ZBTB7C: variants seen among roughly 807,000 people sequenced by gnomAD.
ZBTB7C encodes zinc finger and BTB domain-containing protein 7C.
ZBTB7C carries 8 observed loss-of-function variants against 25.7 expected under a neutral mutation model. The ratio of observed to expected loss-of-function variants is 0.31; its 90% CI spans 0.18 to 0.56. The LOEUF (loss-of-function observed/expected upper bound fraction) is 0.56, where lower values mean the gene tolerates loss of function less well. Ranked by LOEUF, ZBTB7C falls within the 20% of genes least tolerant of loss-of-function variation. The pLI, the probability that ZBTB7C is intolerant of heterozygous loss-of-function variation, is 0.91. For synonymous variants in ZBTB7C, 394 were observed against 369.0 expected, an observed-to-expected ratio of 1.07 and a Z score of -0.78; for missense variants, 824 against 855.2, an observed-to-expected ratio of 0.96 and a Z score of 0.46.
intron 2 of ZBTB7C, among the ~76,000 whole-genome samples, chr18:48,296,767 G>A (rs2045404432): frequency 6.6e-6 from 1 of 151,726 alleles, no homozygotes; most frequent in African/African-American, 2.4e-5. Context: ...AGCAGGAGGT[G>A]AGCGGCGGGT....
chr18:48,051,538 G>A (rs922586847), intron 3 of ZBTB7C, among the ~76,000 whole-genome samples: 11 of 152,022 alleles, frequency 7.2e-5, no homozygotes, highest in Non-Finnish European at 1.5e-4. Flanking sequence ...CAGGCCAGGC[G>A]GAATTATGCC....
At chr18:48,080,015 C>G (rs371284197) in intron 3 of ZBTB7C, among the ~76,000 whole-genome samples, 14 of 152,366 alleles carry the variant, frequency 9.2e-5, no homozygotes, top group African/African-American at 3.4e-4. Flanking sequence ...CTCCTCAGCA[C>G]AGGGAGCAGA....
At chr18:48,272,722 C>T (rs1469832670) in intron 2 of ZBTB7C, among the ~76,000 whole-genome samples, 1 of 152,082 alleles carries the variant, frequency 6.6e-6, no homozygotes, top group Non-Finnish European at 1.5e-5. Flanking sequence ...TAGCAGCATT[C>T]TTGATAATAA....
At chr18:48,161,701 G>GCCCGA (rs1410358246) in intron 3 of ZBTB7C, among the ~76,000 whole-genome samples, 2 of 137,828 alleles carry the variant, frequency 1.5e-5, no homozygotes, top group Admixed American at 7.0e-5. Flanking sequence ...GCCCGGCCCG[G>GCCCGA]CCCGGCCCGG....
intron 2 of ZBTB7C, among the ~76,000 whole-genome samples, chr18:48,311,511 C>T (rs1289333774): frequency 6.7e-6 from 1 of 149,440 alleles, no homozygotes; most frequent in Non-Finnish European, 1.5e-5. Flanking sequence ...TTGCTACTGT[C>T]ATCTAATGGG....
intron 4 of ZBTB7C, among the ~76,000 whole-genome samples, chr18:48,031,770 T>C (rs912943802): frequency 2.6e-5 from 4 of 152,192 alleles, no homozygotes; most frequent in Admixed American, 2.0e-4. Context: ...GCCTCCACTA[T>C]GTAGGTGGGC....
At chr18:48,410,673 TCCTA>T (rs1424151782), upstream of ZBTB7C, 1 of 152,592 alleles carries the variant, frequency 6.6e-6, no homozygotes, top group Non-Finnish European at 1.5e-5. Flanking sequence ...TGGCTTTGCC[TCCTA>T]CCTTTTTGCA....
intron 2 of ZBTB7C, among the ~76,000 whole-genome samples, chr18:48,315,787 G>A (rs2045933653): frequency 6.6e-6 from 1 of 152,186 alleles, no homozygotes; most frequent in Non-Finnish European, 1.5e-5. Context: ...CAATGGACCT[G>A]TCCAGCTCTG....
chr18:48,081,020 C>T (rs1316152386), intron 3 of ZBTB7C, among the ~76,000 whole-genome samples: 1 of 152,244 alleles, frequency 6.6e-6, no homozygotes, highest in African/African-American at 2.4e-5. Context: ...CACTGGCCAG[C>T]CATACAGCTC....
At chr18:48,406,226 G>A (rs964730198) in intron 1 of ZBTB7C, among the ~76,000 whole-genome samples, 2 of 152,034 alleles carry the variant, frequency 1.3e-5, no homozygotes, top group East Asian at 1.9e-4. Context: ...GCCCACCCTC[G>A]GTGGGGGCAG....
intron 2 of ZBTB7C, among the ~76,000 whole-genome samples, chr18:48,187,697 TG>T (rs1205754798): frequency 6.6e-6 from 1 of 151,740 alleles, no homozygotes; most frequent in East Asian, 1.9e-4. Context: ...GGCCGGTGCC[TG>T]TAGTACCAGC....
chr18:48,225,893 C>T (rs1243534715), intron 2 of ZBTB7C, among the ~76,000 whole-genome samples: 3 of 152,176 alleles, frequency 2.0e-5, no homozygotes, highest in Admixed American at 6.5e-5. Context: ...CAGGCAGACA[C>T]CACCACGCCC....
chr18:48,124,717 G>A (rs1268112719), intron 3 of ZBTB7C, among the ~76,000 whole-genome samples: 1 of 152,212 alleles, frequency 6.6e-6, no homozygotes, highest in Non-Finnish European at 1.5e-5. Flanking sequence ...TCTGTGAAGT[G>A]CTATCTGAGC....
chr18:48,138,652 T>G (rs1598953121), intron 3 of ZBTB7C, among the ~76,000 whole-genome samples: 1 of 152,024 alleles, frequency 6.6e-6, no homozygotes, highest in East Asian at 1.9e-4. Flanking sequence ...GCAGGGGTGC[T>G]TCATCAGAGC....
intron 2 of ZBTB7C, among the ~76,000 whole-genome samples, chr18:48,269,765 G>A (rs570702996): frequency 6.6e-6 from 1 of 152,316 alleles, no homozygotes; most frequent in South Asian, 2.1e-4. Context: ...ACAGCTCAAA[G>A]GTAGAAGTCA....
upstream of ZBTB7C, among the ~76,000 whole-genome samples, chr18:48,412,252 C>A (rs1018119898): frequency 1.2e-4 from 19 of 152,142 alleles, no homozygotes; most frequent in Admixed American, 1.1e-3. Context: ...AATAAATTAT[C>A]TGAGAATTGG....
chr18:48,256,181 T>A (rs2044016786), intron 2 of ZBTB7C, among the ~76,000 whole-genome samples: 1 of 151,868 alleles, frequency 6.6e-6, no homozygotes, highest in East Asian at 1.9e-4. Context: ...ACCTGAAACA[T>A]AAGAAATATG....
intron 2 of ZBTB7C, among the ~76,000 whole-genome samples, chr18:48,317,123 A>T (rs1304726514): frequency 1.3e-5 from 2 of 152,038 alleles, no homozygotes; most frequent in Non-Finnish European, 2.9e-5. Flanking sequence ...AAATACAAAA[A>T]TCAGCCAGGT....
chr18:48,132,481 A>T (rs1447308580), intron 3 of ZBTB7C, among the ~76,000 whole-genome samples: 1 of 152,244 alleles, frequency 6.6e-6, no homozygotes, highest in African/African-American at 2.4e-5. Context: ...AAGATACTAT[A>T]AAACTGATTA....
Sources: allele counts gnomAD v4.1 joint callset (sites outside exome capture counted in the v4.1 genomes callset), GRCh38; gene constraint gnomAD v4.1.1; transcripts MANE v1.5; gene names NCBI Gene and HGNC (gene_info 2026-07-23, HGNC 2026-07-21).